Variants in CACNA1B observed in about 807,000 individuals in gnomAD.
The protein encoded by CACNA1B is voltage-dependent N-type calcium channel subunit alpha-1B.
Under a neutral mutation model 247.2 loss-of-function variants are expected in CACNA1B, and 70 were observed. The observed-to-expected ratio is 0.28, with a 90% CI of 0.23 to 0.35. The LOEUF (loss-of-function observed/expected upper bound fraction) is 0.35, where lower values mean the gene tolerates loss of function less well. CACNA1B is among the 10% of genes least tolerant of loss of function. The pLI is 1.00. For missense variants in CACNA1B, 2,367 were observed against 3,197.4 expected (o/e 0.74, Z 6.26); for synonymous variants, 1,231 against 1,294.4 (o/e 0.95, Z 1.05).
chr9:137,932,036 C>G (rs1232753494), intron 6 of CACNA1B, among the ~76,000 whole-genome samples: 1 of 152,084 alleles, frequency 6.6e-6, no homozygotes, highest in Non-Finnish European at 1.5e-5. Flanking sequence ...AGCATTTTTC[C>G]TCTAGAAAAA....
intron 36 of CACNA1B, among the ~76,000 whole-genome samples, chr9:138,078,559 A>C (rs1055578470): frequency 1.2e-4 from 18 of 152,204 alleles, no homozygotes; most frequent in African/African-American, 3.4e-4. Context: ...TGGGATGTGA[A>C]GGAACAGCAT....
At chr9:137,930,207 C>T (rs1957593753) in intron 6 of CACNA1B, among the ~76,000 whole-genome samples, 1 of 152,142 alleles carries the variant, frequency 6.6e-6, no homozygotes, top group African/African-American at 2.4e-5. Flanking sequence ...TTTAGACTTC[C>T]TTCTTTTGTG....
intron 42 of CACNA1B, 85 bp from the exon 43 acceptor site, chr9:138,117,861 G>A (rs565983278): frequency 7.0e-5 from 76 of 1,091,198 alleles, no homozygotes; most frequent in Non-Finnish European, 8.0e-5. Flanking sequence ...TGTTGGAGAC[G>A]CCTGGCAGGT....
At chr9:137,928,918 AGTATTG>A (rs1411966249) in intron 6 of CACNA1B, among the ~76,000 whole-genome samples, 1 of 152,170 alleles carries the variant, frequency 6.6e-6, no homozygotes, top group Non-Finnish European at 1.5e-5. Flanking sequence ...CGATGAAGCA[AGTATTG>A]GTATTTTTTT....
Position 137,971,238 on chromosome 9 carries a change from G to A in CACNA1B, c.1334-145G>A, listed in dbSNP as rs1196594691. On this transcript the variant is annotated intron_variant, in intron 10 of 46. Coordinates refer to ENST00000371372, the MANE Select transcript of CACNA1B (RefSeq NM_000718.4). The surrounding 1 kb of genome is among the most constrained non-coding windows in gnomAD (Gnocchi z 4.4). Reference sequence around the variant, plus strand: ...TTGGTTCCCTCAGCTGTGAAGTGGAGGTCACAGGGGTCACTGGCACAATTG... The same window carrying A: ...TTGGTTCCCTCAGCTGTGAAGTGGAAGTCACAGGGGTCACTGGCACAATTG... 1 of 638,230 alleles carries A rather than the reference G, an allele frequency of 1.6e-6. No individual in the cohort carries two copies. Among genetic ancestry groups the A allele is most frequent in the African/African-American group, 1.8e-5 (1 of 55,122 alleles). The allele number at this position is 638,230 out of a possible 1,614,324, so 39.5% of individuals were successfully genotyped here. A position where few individuals can be genotyped will look rare whatever the true frequency, so the allele number is the denominator to read the frequency against.
Position 138,111,208 on chromosome 9 carries a change from T to C in CACNA1B, c.5429-1190T>C, listed in dbSNP as rs142727043. 2.9e-4 allele frequency among the ~76,000 whole-genome samples: 44 copies of C among 152,322 alleles called. No homozygotes were observed. The East Asian group carries it at 8.5e-3, about 29-fold the overall frequency. Reference sequence around the variant, plus strand: ...CATCCACACAATCTATGTGCAGATGTTTACAGCTTTATTCAAAATTGCCCC... The same window carrying C: ...CATCCACACAATCTATGTGCAGATGCTTACAGCTTTATTCAAAATTGCCCC... On this transcript the variant is annotated intron_variant, in intron 39 of 46. Transcript: ENST00000371372.
At chr9:138,069,873 G>A (rs1960059589) in intron 32 of CACNA1B, 110 bp downstream of exon 32, 1 of 951,886 alleles carries the variant, frequency 1.1e-6, no homozygotes, top group Middle Eastern at 2.1e-4. Context: ...TAGGCGTGTG[G>A]TTGGATGCGG....
At position 137,915,505 on chromosome 9, in the gene CACNA1B, A is replaced by C; in HGVS notation, c.775+699A>C. 1.3e-5 allele frequency among the ~76,000 whole-genome samples: 2 copies of C among 152,276 alleles called. 1 individual carries two copies. The highest frequency in any genetic ancestry group is 4.8e-5 in the African/African-American group (2 of 41,554). ...AACAGAAGAGTTAAGGATGAAGCTA[A>C]GGTTTGTGGCTTGAACTACAAACTT... is the stretch of plus-strand genomic sequence containing the variant. On this transcript the variant is annotated intron_variant, in intron 5 of 46. Coordinates refer to ENST00000371372, the MANE Select transcript of CACNA1B (RefSeq NM_000718.4).
At chr9:138,017,508 G>C (rs918868039) in intron 18 of CACNA1B, among the ~76,000 whole-genome samples, 5 of 152,236 alleles carry the variant, frequency 3.3e-5, no homozygotes, top group African/African-American at 1.2e-4. Flanking sequence ...CTCCTGAGTG[G>C]ACTGGGCGTC....
Position 138,059,855 on chromosome 9 carries a change from CT to C in CACNA1B, c.4668+119del. The C allele has an allele frequency of 1.5e-6, 1 of 685,166 alleles. No individual in the cohort carries two copies. Among genetic ancestry groups the C allele is most frequent in the Non-Finnish European group, 2.6e-6 (1 of 378,122 alleles). 42.4% of individuals were successfully genotyped at this position (685,166 alleles called of 1,614,324 possible). On this transcript the variant is annotated intron_variant, in intron 31 of 46. Transcript: ENST00000371372. This position sits in a 1 kb window ranked among gnomAD's most constrained non-coding sequence, Gnocchi z 4.2. ...CTCTTCCTGGGTTCCGCAGAACCCC[CT>C]GGACATGTGGAGGCTTCGCTCCAGG...
intron 23 of CACNA1B, among the ~76,000 whole-genome samples, chr9:138,048,835 A>G (rs1959206574): frequency 6.6e-6 from 1 of 152,216 alleles, no homozygotes; most frequent in Admixed American, 6.5e-5. Context: ...CTCATGCCTC[A>G]GCCTCTCAAG....
intron 43 of CACNA1B, 86 bp from the exon 44 acceptor site, chr9:138,118,566 A>G (rs1278439620): frequency 4.5e-6 from 3 of 668,764 alleles, no homozygotes; most frequent in South Asian, 1.8e-5. Context: ...GTGAGACCCC[A>G]GTGCCTCATG....
Position 138,118,666 on chromosome 9 carries a change from G to C in CACNA1B, c.5928G>C (p.Gln1976His), listed in dbSNP as rs1211245849. 1 of 1,548,432 alleles carries C rather than the reference G, an allele frequency of 6.5e-7. No homozygotes were observed. The highest frequency in any genetic ancestry group is 1.4e-5 in the African/African-American group (1 of 73,342). ...TGTATCCACAGGCTGTGGACGTTCA[G>C]ATGCAGAGCATAACCCGGAGGGGCC... is the stretch of plus-strand genomic sequence containing the variant. ...GRSGALAVDVQMQSITRRGPD... is the reference protein window; with the variant it reads ...GRSGALAVDVHMQSITRRGPD... The change falls in exon 44 of 47, where the codon CAG becomes CAC. Residue 1976 changes from glutamine (Q) to histidine (H), a missense_variant. By Grantham distance (24) the Gln-to-His change is conservative (BLOSUM62 0). This residue lies in a region of CACNA1B where 773 missense variants were observed against 779.4 expected (regional missense o/e 0.99). Coordinates refer to ENST00000371372, the MANE Select transcript of CACNA1B (RefSeq NM_000718.4).
chr9:138,074,231 C>T (rs1433711339), intron 34 of CACNA1B, among the ~76,000 whole-genome samples, 165 bp downstream of exon 34: 1 of 151,790 alleles, frequency 6.6e-6, no homozygotes, highest in Non-Finnish European at 1.5e-5. Flanking sequence ...TTACGTAATC[C>T]TCTTTTCTTA....
intron 11 of CACNA1B, 69 bp from the exon 12 acceptor site, chr9:137,975,838 C>T (rs1958213285): frequency 2.2e-6 from 2 of 926,960 alleles, no homozygotes; most frequent in Non-Finnish European, 3.5e-6. Context: ...CTGGTGTCCT[C>T]CAGTCTGGGC....
intron 21 of CACNA1B, among the ~76,000 whole-genome samples, chr9:138,046,275 G>A (rs765176025): frequency 6.6e-6 from 1 of 152,224 alleles, no homozygotes; most frequent in Non-Finnish European, 1.5e-5. Context: ...GGGCAAATGG[G>A]ACTGGAGCAA....
intron 37 of CACNA1B, among the ~76,000 whole-genome samples, chr9:138,101,864 TGTCCCAGG>T (rs1461248091): frequency 1.3e-5 from 2 of 152,204 alleles, no homozygotes; most frequent in East Asian, 3.9e-4. Flanking sequence ...CACAGGCAGG[TGTCCCAGG>T]GTTGGAGGTA....
At chr9:138,008,198 CAG>C (rs1958678841) in intron 16 of CACNA1B, among the ~76,000 whole-genome samples, 1 of 152,218 alleles carries the variant, frequency 6.6e-6, no homozygotes, top group South Asian at 2.1e-4. Flanking sequence ...CCCCGGTTGT[CAG>C]AGAGGGACGG....
Position 138,120,291 on chromosome 9 carries a change from C to A in CACNA1B, c.6157C>A (p.His2053Asn), listed in dbSNP as rs1376754174. ...PPSQASSHHH[H>N]HRCHRRRDRK... ...TAGCCAGGCGTCGTCGCACCACCAC[C>A]ACCACCGCTGCCACCGCCGCAGGGA... Residue 2053 changes from histidine to asparagine, a missense_variant, in exon 45 of 47, where the codon CAC (histidine) becomes AAC (asparagine). Coordinates refer to ENST00000371372, the MANE Select transcript of CACNA1B (RefSeq NM_000718.4). 8.3e-6 allele frequency: 13 copies of A among 1,569,360 alleles called. No homozygotes were observed. Among genetic ancestry groups the A allele is most frequent in the East Asian group, 2.4e-5 (1 of 42,234 alleles).
Sources: gnomAD v4.1 joint callset for allele counts (sites outside exome capture counted in the v4.1 genomes callset) on GRCh38, gnomAD v4.1.1 for gene constraint, gnomAD v4.1.1 regional missense constraint, Gnocchi (gnomAD v3.1) non-coding constraint, MANE v1.5 for transcripts, NCBI Gene and HGNC (gene_info 2026-07-23, HGNC 2026-07-21) for gene names.